The following IFT140 variants were observed in gnomAD, a reference collection of about 807,000 sequenced individuals.
The protein encoded by IFT140 is intraflagellar transport protein 140 homolog.
In IFT140, 133 loss-of-function variants were observed where a neutral mutation model predicts 164.6. The observed-to-expected ratio is 0.81, with a 90% CI of 0.70 to 0.93. IFT140 has a LOEUF of 0.93. IFT140 is among the 40% of genes least tolerant of loss of function. The pLI, the probability that IFT140 is intolerant of heterozygous loss-of-function variation, is 0.00. For synonymous variants in IFT140, 860 were observed against 817.3 expected, an observed-to-expected ratio of 1.05 and a Z score of -0.89; for missense variants, 2,045 against 1,972.3, an observed-to-expected ratio of 1.04 and a Z score of -0.70.
chr16:1,564,044 G>A lies in IFT140; in HGVS notation c.2020C>T (p.Pro674Ser), dbSNP rs1367342909. Residue 674 changes from proline (P) to serine (S), a missense_variant, in exon 17 of 31, where the codon CCT becomes TCT. Physicochemically the swap from Pro to Ser is moderately conservative, Grantham distance 74 (BLOSUM62 -1). Coordinates refer to ENST00000426508, the MANE Select transcript of IFT140 (RefSeq NM_014714.4). This position sits in a 1 kb window ranked among gnomAD's most constrained non-coding sequence, Gnocchi z 5.5. Reference protein sequence around the residue: ...EAVQETPRSQPQSANGQPQDG... With the variant: ...EAVQETPRSQSQSANGQPQDG... Reference sequence around the variant, plus strand: ...TGGGGCTGCCCGTTTGCAGACTGAGGCTGGGAGCGCGGCGTCTCCTGCACG... The same window carrying A: ...TGGGGCTGCCCGTTTGCAGACTGAGACTGGGAGCGCGGCGTCTCCTGCACG... 6.3e-7 allele frequency: 1 copy of A among 1,599,752 alleles called. No individual in the cohort carries two copies. The highest frequency in any genetic ancestry group is 8.6e-7 in the Non-Finnish European group (1 of 1,168,832).
chr16:1,602,265 T>C, intron 4 of IFT140, 105 bp downstream of exon 4: 2 of 1,005,792 alleles, frequency 2.0e-6, no homozygotes, highest in Non-Finnish European at 3.0e-6. Context: ...CAAGATCAAC[T>C]GAATTTGGCA....
At chr16:1,519,558 C>T (rs1555476441) in intron 29 of IFT140, among the ~76,000 whole-genome samples, 1 of 152,136 alleles carries the variant, frequency 6.6e-6, no homozygotes, top group Non-Finnish European at 1.5e-5. Context: ...ACTCAGGACT[C>T]CCCTGCCCGG....
rs988497354 is a variant in IFT140, at chr16:1,551,382, C to T, written c.2399+6553G>A. Among the ~76,000 whole-genome samples the T allele has an allele frequency of 5.9e-5, 9 of 152,008 alleles. No individual in the cohort carries two copies. Among genetic ancestry groups the T allele is most frequent in the Admixed American group, 4.6e-4 (7 of 15,278 alleles). On this transcript the variant is annotated intron_variant, in intron 19 of 30. Transcript: ENST00000426508. The surrounding 1 kb of genome is among the most constrained non-coding windows in gnomAD (Gnocchi z 4.0). Reference sequence around the variant, plus strand: ...GCCAGTCAAGCCGGGGACAGTGGCACGAGGAGAAGCCCAGAGTAGGTGGAC... The same window carrying T: ...GCCAGTCAAGCCGGGGACAGTGGCATGAGGAGAAGCCCAGAGTAGGTGGAC...
At chr16:1,595,851 G>C (rs1247065262) in intron 4 of IFT140, among the ~76,000 whole-genome samples, 1 of 152,098 alleles carries the variant, frequency 6.6e-6, no homozygotes, top group East Asian at 1.9e-4. Context: ...TCAGGAGTTC[G>C]AGGCCAGCCT....
intron 26 of IFT140, 55 bp downstream of exon 26, chr16:1,523,463 G>T: frequency 6.4e-7 from 1 of 1,558,604 alleles, no homozygotes; most frequent in African/African-American, 1.3e-5. Flanking sequence ...GGGGACAGGA[G>T]ACCTGAGCCG....
chr16:1,604,946 G>C (rs111621816), intron 3 of IFT140, among the ~76,000 whole-genome samples: 4 of 152,044 alleles, frequency 2.6e-5, no homozygotes, highest in Non-Finnish European at 4.4e-5. Flanking sequence ...GGGAAGGGTG[G>C]GGGACAATTT....
rs548422331 is a variant in IFT140, at chr16:1,571,302, G to A, written c.1652+105C>T. The A allele has an allele frequency of 3.8e-6, 4 of 1,046,020 alleles. No individual in the cohort carries two copies. In the East Asian group the frequency reaches 1.0e-4, roughly 26 times the overall value. 64.8% of individuals were successfully genotyped at this position (1,046,020 alleles called of 1,614,324 possible). On this transcript the variant is annotated intron_variant, in intron 14 of 30. Coordinates refer to ENST00000426508, the MANE Select transcript of IFT140 (RefSeq NM_014714.4). ...ACAAGTGGCATGTCGGTGTTAAAAT[G>A]GGCACCTAAGGAGTCTTCTGGCTTC...
intron 7 of IFT140, among the ~76,000 whole-genome samples, chr16:1,589,297 G>A (rs1397619588): frequency 4.6e-5 from 7 of 152,158 alleles, no homozygotes; most frequent in Admixed American, 2.6e-4. Context: ...GCTGTGCAGC[G>A]AGTGTGACTC....
At chr16:1,594,497 G>A (rs1405680008) in intron 4 of IFT140, among the ~76,000 whole-genome samples, 2 of 152,160 alleles carry the variant, frequency 1.3e-5, no homozygotes, top group African/African-American at 2.4e-5. Flanking sequence ...CTAGGATTAC[G>A]GGTGTGAGCC....
At chr16:1,593,971 C>T (rs1242367505) in intron 4 of IFT140, among the ~76,000 whole-genome samples, 1 of 152,188 alleles carries the variant, frequency 6.6e-6, no homozygotes, top group African/African-American at 2.4e-5. Flanking sequence ...GCATGGGAGA[C>T]CTGCCTCTTC....
intron 12 of IFT140, 148 bp downstream of exon 12, chr16:1,583,166 C>A: frequency 1.3e-6 from 1 of 742,902 alleles, no homozygotes; most frequent in Non-Finnish European, 2.4e-6. Flanking sequence ...ACAGCTGCAG[C>A]CCTGGCTCTG....
intron 4 of IFT140, 37 bp from the exon 5 acceptor site, chr16:1,592,625 CCCGG>C: frequency 1.9e-6 from 3 of 1,586,500 alleles, no homozygotes; most frequent in Non-Finnish European, 2.6e-6. Flanking sequence ...GGACAGGTGT[CCCGG>C]CAGAGCGACT....
At chr16:1,540,995 G>C (rs1195969021) in intron 19 of IFT140, 1 of 985,366 alleles carries the variant, frequency 1.0e-6, no homozygotes, top group Non-Finnish European at 1.2e-6. Context: ...TTGGGCCCCT[G>C]TGTAAGGTTT....
chr16:1,561,963 T>C (rs539602327), intron 18 of IFT140, 22 bp downstream of exon 18: 28 of 1,581,134 alleles, frequency 1.8e-5, no homozygotes, highest in South Asian at 8.2e-5. Context: ...AAGACACCTG[T>C]GCGGATGTCG....
intron 19 of IFT140, chr16:1,542,205 GC>G: frequency 9.3e-7 from 1 of 1,071,912 alleles, no homozygotes; most frequent in Non-Finnish European, 1.3e-6. Context: ...ATGGCCACAG[GC>G]CACTGAGAAG....
chr16:1,535,656 C>T (rs1007216658), intron 19 of IFT140, among the ~76,000 whole-genome samples: 5 of 152,204 alleles, frequency 3.3e-5, no homozygotes, highest in Admixed American at 2.6e-4. Flanking sequence ...GGAATGTCAT[C>T]CCCACTTCAC....
At chr16:1,587,807 C>G (rs1486185175) in intron 8 of IFT140, 126 bp downstream of exon 8, 1 of 730,600 alleles carries the variant, frequency 1.4e-6, no homozygotes, top group Non-Finnish European at 2.3e-6. Context: ...TGGGTACGTC[C>G]AGTATGAGAG....
At position 1,607,240 on chromosome 16, in the gene IFT140, T is replaced by C; in HGVS notation, c.27A>G (p.Ile9Met). 6.2e-7 allele frequency: 1 copy of C among 1,614,114 alleles called. No homozygotes were observed. The highest frequency in any genetic ancestry group is 1.1e-5 in the South Asian group (1 of 91,078). MALYYDHQ[I>M]EAPDAAGSPS... ...GTGACCCTGCTGCATCCGGGGCTTC[T>C]ATCTGGTGGTCATAATAGAGGGCCA... is the stretch of plus-strand genomic sequence containing the variant. Residue 9 changes from isoleucine (I) to methionine (M), a missense_variant, in exon 3 of 31, where the codon ATA (isoleucine) becomes ATG (methionine). Physicochemically the swap from Ile to Met is conservative, Grantham distance 10 (BLOSUM62 1). Transcript: ENST00000426508.
At chr16:1,543,213 C>T (rs1448578157) in intron 19 of IFT140, among the ~76,000 whole-genome samples, 1 of 152,270 alleles carries the variant, frequency 6.6e-6, no homozygotes. Flanking sequence ...TCCTCGAGGC[C>T]GGTGCAGCGT....
Sources: allele counts gnomAD v4.1 joint callset (sites outside exome capture counted in the v4.1 genomes callset), GRCh38; gene constraint gnomAD v4.1.1; non-coding constraint Gnocchi (gnomAD v3.1); transcripts MANE v1.5; gene names NCBI Gene and HGNC (gene_info 2026-07-23, HGNC 2026-07-21).